The following SPATS1 variants were observed in gnomAD, a reference collection of about 807,000 sequenced individuals.
SPATS1 encodes the protein spermatogenesis-associated serine-rich protein 1.
A neutral mutation model predicts 33.6 loss-of-function variants in SPATS1; 23 were observed. The ratio of observed to expected loss-of-function variants is 0.68; its 90% confidence interval spans 0.49 to 0.97. SPATS1 has a LOEUF of 0.97. Among genes scored for constraint, SPATS1 ranks in the 50% least tolerant of loss-of-function variants. The pLI, the probability that SPATS1 is intolerant of heterozygous loss-of-function variation, is 0.00. For synonymous variants in SPATS1, 131 were observed against 125.6 expected, an observed-to-expected ratio of 1.04 and a Z score of -0.29; for missense variants, 327 against 361.0, an observed-to-expected ratio of 0.91 and a Z score of 0.76.
chr6:44,375,294 C>T (rs905643624), intron 7 of SPATS1, among the ~76,000 whole-genome samples: 2 of 152,158 alleles, frequency 1.3e-5, no homozygotes, highest in Non-Finnish European at 1.5e-5. Context: ...CAGTGGGAAG[C>T]GTTACTACTC....
chr6:44,360,939 T>C (rs561957048), intron 4 of SPATS1, among the ~76,000 whole-genome samples: 6 of 152,292 alleles, frequency 3.9e-5, no homozygotes, highest in Non-Finnish European at 5.9e-5. Context: ...TGTACATATA[T>C]AGATATAAAA....
intron 2 of SPATS1, among the ~76,000 whole-genome samples, chr6:44,348,747 G>C (rs1788054822): frequency 6.6e-6 from 1 of 152,196 alleles, no homozygotes; most frequent in Non-Finnish European, 1.5e-5. Flanking sequence ...ACTTTGGGAG[G>C]CCAAGGCAGG....
In SPATS1 at chr6:44,352,884, G is replaced by A. The variant is rs372113696; in HGVS notation, c.287+11G>A. ...GTCTGCTTACGTAGAGTAAGTAAGGGTCTGGTGCAGAGCTGTCACGGTTGG... is the reference window on the plus strand; with the variant it reads ...GTCTGCTTACGTAGAGTAAGTAAGGATCTGGTGCAGAGCTGTCACGGTTGG... On this transcript the variant is annotated intron_variant, in intron 3 of 8. Transcript: ENST00000674044. 3.1e-6 allele frequency: 5 copies of A among 1,613,442 alleles called. No homozygotes were observed. In the African/African-American group the frequency reaches 4.0e-5, roughly 13 times the overall value.
intron 5 of SPATS1, among the ~76,000 whole-genome samples, chr6:44,363,233 A>G (rs1373862491): frequency 6.6e-6 from 1 of 151,588 alleles, no homozygotes; most frequent in Non-Finnish European, 1.5e-5. Flanking sequence ...CCAGCCCCCC[A>G]GCCCCAGGCT....
intron 5 of SPATS1, among the ~76,000 whole-genome samples, chr6:44,365,372 T>C (rs1160085863): frequency 6.6e-6 from 1 of 152,176 alleles, no homozygotes; most frequent in Non-Finnish European, 1.5e-5. Context: ...CAGTACAGCA[T>C]ATTGTATTAG....
At chr6:44,371,449 A>C (rs1789608171) in intron 7 of SPATS1, among the ~76,000 whole-genome samples, 1 of 152,220 alleles carries the variant, frequency 6.6e-6, no homozygotes, top group Non-Finnish European at 1.5e-5. Context: ...AGAAGTGACA[A>C]AGGCTTCTGT....
At chr6:44,352,553 G>A (rs568429598) in intron 2 of SPATS1, among the ~76,000 whole-genome samples, 173 bp from the exon 3 acceptor site, 1 of 152,326 alleles carries the variant, frequency 6.6e-6, no homozygotes, top group East Asian at 1.9e-4. Flanking sequence ...CCTGTGGGTT[G>A]TTATAGGGAT....
intron 7 of SPATS1, among the ~76,000 whole-genome samples, chr6:44,371,749 T>C (rs2153369988): frequency 6.6e-6 from 1 of 151,774 alleles, no homozygotes; most frequent in Non-Finnish European, 1.5e-5. Context: ...ATTGAGACCA[T>C]CCTGGCTAAC....
intron 7 of SPATS1, among the ~76,000 whole-genome samples, chr6:44,371,315 A>G (rs1481564408): frequency 2.0e-5 from 3 of 151,948 alleles, no homozygotes; most frequent in Admixed American, 6.6e-5. Context: ...AAAAAAAAAA[A>G]AGAGAGAGAA....
At chr6:44,373,715 C>G (rs1789764628) in intron 7 of SPATS1, among the ~76,000 whole-genome samples, 1 of 152,170 alleles carries the variant, frequency 6.6e-6, no homozygotes, top group Admixed American at 6.5e-5. Flanking sequence ...TAGTTAGTGA[C>G]AGAGAGAGCC....
intron 3 of SPATS1, among the ~76,000 whole-genome samples, chr6:44,354,351 A>G (rs1163849023): frequency 1.4e-5 from 1 of 71,942 alleles, no homozygotes; most frequent in Non-Finnish European, 3.0e-5. Flanking sequence ...ATAAATAAAT[A>G]AATAAATAAA....
intron 5 of SPATS1, among the ~76,000 whole-genome samples, chr6:44,365,043 C>T (rs1253717021): frequency 1.3e-5 from 2 of 152,156 alleles, no homozygotes; most frequent in Non-Finnish European, 2.9e-5. Context: ...CCCGCCTCGG[C>T]CTCCCAAAGT....
At position 44,361,992 on chromosome 6, in the gene SPATS1, G is replaced by A. The variant is rs1314812573; in HGVS notation, c.574G>A (p.Asp192Asn). 4.3e-6 allele frequency: 7 copies of A among 1,614,150 alleles called. No individual in the cohort carries two copies. Among genetic ancestry groups the A allele is most frequent in the African/African-American group, 1.3e-5 (1 of 75,040 alleles). ...VDKCFGRKKY[D>N]IDPRNGIPKL... ...CAAGTGCTTTGGGAGAAAGAAATAC[G>A]GTGATGTTTCCTTCTGGGTCTTGAC... The change falls in exon 5 of 9, where the codon GAT becomes AAT. Residue 192 changes from aspartate (D) to asparagine (N), a missense_variant and splice_region_variant. Physicochemically the swap from Asp to Asn is conservative, Grantham distance 23. Coordinates refer to ENST00000674044, the MANE Select transcript of SPATS1 (RefSeq NM_001372081.1).
Position 44,352,871 on chromosome 6 carries a change from AGAGT to A in SPATS1, c.286_287+2del, listed in dbSNP as rs765792590. On this transcript the variant is annotated splice_donor_variant and coding_sequence_variant, in exon 3 of 9. Transcript: ENST00000674044. LOFTEE classifies it high-confidence loss of function. ...GCCTCCCCAGAGTGTCTGCTTACGT[AGAGT>A]AAGTAAGGGTCTGGTGCAGAGCTGT... is the stretch of plus-strand genomic sequence containing the variant. 49 of 1,613,878 alleles carry A rather than the reference AGAGT, an allele frequency of 3.0e-5. No individual in the cohort carries two copies. Among genetic ancestry groups the A allele is most frequent in the Non-Finnish European group, 3.9e-5 (46 of 1,179,970 alleles).
At chr6:44,369,481 T>C (rs1405758828) in intron 6 of SPATS1, among the ~76,000 whole-genome samples, 1 of 151,910 alleles carries the variant, frequency 6.6e-6, no homozygotes, top group Admixed American at 6.6e-5. Context: ...ACCTGGGTGA[T>C]GGAGGTTGCA....
chr6:44,343,580 T>C, intron 2 of SPATS1: 1 of 461,770 alleles, frequency 2.2e-6, no homozygotes, highest in South Asian at 1.6e-5. Flanking sequence ...GGATTTGACA[T>C]GAGTCTGCCA....
intron 5 of SPATS1, among the ~76,000 whole-genome samples, chr6:44,364,745 TTCTG>T (rs997530422): frequency 2.3e-4 from 35 of 152,108 alleles, no homozygotes; most frequent in African/African-American, 4.6e-4. Context: ...CTTTTTTTCT[TTCTG>T]TCTTTCTTTC....
chr6:44,347,980 G>A (rs1156791255), intron 2 of SPATS1, among the ~76,000 whole-genome samples: 1 of 150,948 alleles, frequency 6.6e-6, no homozygotes, highest in Non-Finnish European at 1.5e-5. Context: ...TATAATTATG[G>A]CCTTGTTTCA....
chr6:44,357,725 A>G (rs1788676358), intron 3 of SPATS1, among the ~76,000 whole-genome samples: 1 of 152,114 alleles, frequency 6.6e-6, no homozygotes. Context: ...AGATCTTGCT[A>G]TGTTTCCCCG....
Sources: allele counts gnomAD v4.1 joint callset (sites outside exome capture counted in the v4.1 genomes callset), GRCh38; gene constraint gnomAD v4.1.1; transcripts MANE v1.5; gene names NCBI Gene and HGNC (gene_info 2026-07-23, HGNC 2026-07-21).